The following ETHE1 variants were observed in gnomAD, a reference collection of about 807,000 sequenced individuals.
ETHE1 encodes persulfide dioxygenase ETHE1, mitochondrial.
ETHE1 carries 16 observed loss-of-function variants against 25.7 expected under a neutral mutation model. The ratio of observed to expected loss-of-function variants is 0.62; its 90% CI spans 0.42 to 0.95. The LOEUF (loss-of-function observed/expected upper bound fraction) is 0.95. Ranked by LOEUF, ETHE1 falls within the 40% of genes least tolerant of loss-of-function variation. The pLI is 0.00. For missense variants in ETHE1, 300 were observed against 333.6 expected (o/e 0.90, Z 0.79); for synonymous variants, 139 against 135.9 (o/e 1.02, Z -0.16).
chr19:43,521,416 G>T lies in ETHE1; in HGVS notation c.375+4785C>A, dbSNP rs538335505. Among the ~76,000 whole-genome samples, 7 of 152,228 alleles carry T rather than the reference G, an allele frequency of 4.6e-5. No homozygotes were observed. In the South Asian group the frequency reaches 1.2e-3, roughly 27 times the overall value. On this transcript the variant is annotated intron_variant, in intron 3 of 6. Coordinates refer to ENST00000292147, the MANE Select transcript of ETHE1 (RefSeq NM_014297.5). ...TCCCCTGCTGTGTACTTTGTCCCCTGCCCTACACCCCTGCTGTCTTTTGTG... is the reference window on the plus strand; with the variant it reads ...TCCCCTGCTGTGTACTTTGTCCCCTTCCCTACACCCCTGCTGTCTTTTGTG...
intron 3 of ETHE1, among the ~76,000 whole-genome samples, chr19:43,516,386 G>A (rs1007354526): frequency 2.6e-5 from 4 of 151,402 alleles, no homozygotes; most frequent in South Asian, 4.2e-4. Flanking sequence ...TGCAACCTCC[G>A]CCTCCCGGGT....
chr19:43,520,045 C>CA (rs35862147), intron 3 of ETHE1, among the ~76,000 whole-genome samples: 24,699 of 118,542 alleles, frequency 0.21, 2,319 homozygotes, highest in African/African-American at 0.24. Context: ...GACCCCCACC[C>CA]AAAAAAAAAA....
intron 3 of ETHE1, among the ~76,000 whole-genome samples, chr19:43,516,505 G>A (rs1972021250): frequency 6.6e-6 from 1 of 151,680 alleles, no homozygotes; most frequent in Admixed American, 6.6e-5. Context: ...TCACCACATT[G>A]GCCAGGCTGG....
intron 3 of ETHE1, chr19:43,525,743 T>C (rs1213095025): frequency 4.2e-6 from 1 of 236,206 alleles, no homozygotes; most frequent in African/African-American, 2.3e-5. Flanking sequence ...GAGTGCCTCC[T>C]TAAATGTTGC....
At position 43,523,188 on chromosome 19, in the gene ETHE1, G is replaced by A. The variant is rs11672453; in HGVS notation, c.375+3013C>T. On this transcript the variant is annotated intron_variant, in intron 3 of 6. Coordinates refer to ENST00000292147, the MANE Select transcript of ETHE1 (RefSeq NM_014297.5). ...ACTTCTGGGGTGATGGGCAAGTTCT[G>A]TATCGGGATCTGGGTAAGTACTCAT... 6.3e-4 allele frequency among the ~76,000 whole-genome samples: 96 copies of A among 152,342 alleles called. No individual in the cohort carries two copies. In the Middle Eastern group the frequency reaches 0.01, roughly 16 times the overall value.
chr19:43,517,525 G>A (rs987566156), intron 3 of ETHE1, among the ~76,000 whole-genome samples: 8 of 148,896 alleles, frequency 5.4e-5, no homozygotes, highest in African/African-American at 1.7e-4. Context: ...TCGCCTAATC[G>A]CGACACTTTG....
chr19:43,520,108 G>A (rs1972111097), intron 3 of ETHE1, among the ~76,000 whole-genome samples: 1 of 151,648 alleles, frequency 6.6e-6, no homozygotes, highest in Non-Finnish European at 1.5e-5. Flanking sequence ...TAGCACTTTG[G>A]GAGGTCAAGG....
intron 4 of ETHE1, 41 bp from the exon 5 acceptor site, chr19:43,508,905 A>G: frequency 3.4e-6 from 5 of 1,461,692 alleles, no homozygotes; most frequent in Non-Finnish European, 4.7e-6. Context: ...TCAACAGGAC[A>G]GAAGACTCTA....
At chr19:43,515,392 G>A (rs909256861) in intron 3 of ETHE1, among the ~76,000 whole-genome samples, 4 of 148,824 alleles carry the variant, frequency 2.7e-5, no homozygotes, top group African/African-American at 7.5e-5. Context: ...ACTCCAGCCT[G>A]GATGACAAGA....
chr19:43,523,140 G>C (rs1469318194), intron 3 of ETHE1, among the ~76,000 whole-genome samples: 2 of 152,194 alleles, frequency 1.3e-5, no homozygotes, highest in African/African-American at 4.8e-5. Context: ...GGCGGTCATT[G>C]GCCAGAAAGG....
chr19:43,525,699 G>T, intron 3 of ETHE1: 1 of 198,048 alleles, frequency 5.0e-6, no homozygotes. Flanking sequence ...CTCACTCACA[G>T]GTGCGGACCC....
At chr19:43,515,795 C>G (rs1972008410) in intron 3 of ETHE1, among the ~76,000 whole-genome samples, 1 of 152,130 alleles carries the variant, frequency 6.6e-6, no homozygotes, top group African/African-American at 2.4e-5. Context: ...AGGCTGGTCT[C>G]AAGCTCCTGA....
At chr19:43,507,070 C>G (rs939823178) in intron 6 of ETHE1, among the ~76,000 whole-genome samples, 168 bp from the exon 7 acceptor site, 1 of 150,760 alleles carries the variant, frequency 6.6e-6, no homozygotes, top group Non-Finnish European at 1.5e-5. Context: ...CCCCTCCTCC[C>G]TCAGACCCAG....
intron 3 of ETHE1, chr19:43,525,981 GAGTTCCGCC>G (rs555611056): frequency 9.8e-5 from 61 of 624,054 alleles, no homozygotes; most frequent in African/African-American, 9.6e-4. Flanking sequence ...GTTGACTTAG[GAGTTCCGCC>G]AGTGCCCCAC....
chr19:43,521,509 G>T (rs760830347), intron 3 of ETHE1, among the ~76,000 whole-genome samples: 2 of 151,944 alleles, frequency 1.3e-5, no homozygotes, highest in Non-Finnish European at 2.9e-5. Context: ...GATCCTGAAG[G>T]CAGCCAGCTA....
chr19:43,508,388 C>A (rs553523078), intron 5 of ETHE1, among the ~76,000 whole-genome samples: 17 of 143,444 alleles, frequency 1.2e-4, no homozygotes, highest in African/African-American at 4.4e-4. Context: ...TGCTGTGTCA[C>A]CCAGGCTGGA....
In ETHE1 at chr19:43,526,990, T is replaced by G. The variant is rs531499705; in HGVS notation, c.81+107A>C. 11 of 1,533,976 alleles carry G rather than the reference T, an allele frequency of 7.2e-6. No individual in the cohort carries two copies. The East Asian group carries it at 2.4e-4, about 34-fold the overall frequency. On this transcript the variant is annotated intron_variant, in intron 1 of 6. Transcript: ENST00000292147. ...AACCTCCACCCCGCTTTCCGCAAGATGCAGGCGTGGGTCCCCCCGGATCTC... is the reference window on the plus strand; with the variant it reads ...AACCTCCACCCCGCTTTCCGCAAGAGGCAGGCGTGGGTCCCCCCGGATCTC...
At position 43,511,542 on chromosome 19, in the gene ETHE1, C is replaced by T. The variant is rs1971917280; in HGVS notation, c.400G>A (p.Gly134Ser). 1.2e-6 allele frequency: 2 copies of T among 1,613,860 alleles called. No individual in the cohort carries two copies. Among genetic ancestry groups the T allele is most frequent in the Non-Finnish European group, 1.7e-6 (2 of 1,180,018 alleles). The change falls in exon 4 of 7, where the codon GGC (glycine) becomes AGC (serine). Residue 134 changes from glycine (G) to serine (S), a missense_variant. Physicochemically the swap from Gly to Ser is moderately conservative, Grantham distance 56. Transcript: ENST00000292147. ...RFALETRASP[G>S]HTPGCVTFVL... The stretch of plus-strand genomic sequence containing the variant: ...AAGGTGACACAGCCTGGGGTGTGGC[C>T]AGGGCTGGCCCTGGTCTCCAACGCC...
intron 3 of ETHE1, 101 bp from the exon 4 acceptor site, chr19:43,511,667 C>T: frequency 3.0e-6 from 4 of 1,347,040 alleles, no homozygotes; most frequent in Non-Finnish European, 4.0e-6. Flanking sequence ...TCTAGATAAA[C>T]ATTTTGGTAA....
Sources: gnomAD v4.1 joint callset for allele counts (sites outside exome capture counted in the v4.1 genomes callset) on GRCh38, gnomAD v4.1.1 for gene constraint, MANE v1.5 for transcripts, NCBI Gene and HGNC (gene_info 2026-07-23, HGNC 2026-07-21) for gene names.